The following HELLS variants were observed in gnomAD, a reference collection of about 807,000 sequenced individuals.
The protein encoded by HELLS is lymphoid-specific helicase.
In HELLS, 32 loss-of-function variants were observed where a neutral mutation model predicts 120.0. The ratio of observed to expected loss-of-function variants is 0.27; its 90% CI spans 0.20 to 0.36. The LOEUF is 0.36. Ranked by LOEUF, HELLS falls within the 10% of genes least tolerant of loss-of-function variation. The probability of loss-of-function intolerance (pLI) is 1.00; values close to 1 mark genes in which losing one functional copy is unlikely to be tolerated. For synonymous variants in HELLS, 341 were observed against 323.4 expected (o/e 1.05, Z -0.58); for missense variants, 650 against 993.4 (o/e 0.65, Z 4.65).
intron 7 of HELLS, 136 bp from the exon 8 acceptor site, chr10:94,573,824 A>G: frequency 1.8e-6 from 1 of 552,328 alleles, no homozygotes; most frequent in Admixed American, 3.5e-5. Context: ...CAGTTTTTTA[A>G]TCCAGGTGTG....
At chr10:94,571,172 C>A in intron 6 of HELLS, 1 of 362,200 alleles carries the variant, frequency 2.8e-6, no homozygotes, top group South Asian at 4.1e-5. Flanking sequence ...TGAAATATCC[C>A]ATTGTATAAG....
chr10:94,560,793 C>T (rs1483816553), intron 4 of HELLS, among the ~76,000 whole-genome samples: 3 of 152,072 alleles, frequency 2.0e-5, no homozygotes, highest in African/African-American at 7.2e-5. Context: ...CGGTGGCTCA[C>T]GCCTGCAATC....
chr10:94,575,065 T>A (rs1315975984), intron 9 of HELLS, among the ~76,000 whole-genome samples: 2 of 151,990 alleles, frequency 1.3e-5, no homozygotes. Context: ...AGAAGAGAGT[T>A]TTCTGTTTTT....
At chr10:94,572,173 G>C (rs940894305) in intron 7 of HELLS, among the ~76,000 whole-genome samples, 2 of 152,172 alleles carry the variant, frequency 1.3e-5, no homozygotes, top group Non-Finnish European at 2.9e-5. Flanking sequence ...GATTTTTAAA[G>C]ATTTAGTTAG....
Position 94,601,579 on chromosome 10 carries a change from T to G in HELLS, c.2474T>G (p.Ile825Arg). 1 of 1,590,060 alleles carries G rather than the reference T, an allele frequency of 6.3e-7. No individual in the cohort carries two copies. Among genetic ancestry groups the G allele is most frequent in the Non-Finnish European group, 8.6e-7 (1 of 1,163,224 alleles). The part of the protein sequence containing the change: ...PIKEKMGIFK[I>R]LENSEDSSPE... ...AAAGAGAAGATGGGGATATTCAAGA[T>G]ATTAGAAAATTCTGAAGATTCCAGT... The change falls in exon 22 of 22, where the codon ATA (isoleucine) becomes AGA (arginine). Residue 825 changes from isoleucine to arginine, a missense_variant. Transcript: ENST00000348459.
In HELLS at chr10:94,601,948, A is replaced by G. The variant is rs1035314260; in HGVS notation, c.*326A>G. ...TCTTTTTCCCTCCTTTCTTCTAGTAATGCAGTTCATGGGCTTTAGGTACTT... is the reference window on the plus strand; with the variant it reads ...TCTTTTTCCCTCCTTTCTTCTAGTAGTGCAGTTCATGGGCTTTAGGTACTT... On this transcript the variant is annotated 3_prime_UTR_variant, in exon 22 of 22. Transcript: ENST00000348459. The G allele has an allele frequency of 3.0e-5, 5 of 169,078 alleles. No homozygotes were observed. In the South Asian group the frequency reaches 8.1e-4, roughly 27 times the overall value. The allele number at this position is 169,078 out of a possible 1,614,324, so 10.5% of individuals were successfully genotyped here.
At chr10:94,579,201 C>CTTTTTTTTT (rs11431624) in intron 10 of HELLS, among the ~76,000 whole-genome samples, 1 of 133,868 alleles carries the variant, frequency 7.5e-6, no homozygotes, top group African/African-American at 2.9e-5. Context: ...CTACTTTTTT[C>CTTTTTTTTT]TTTTTTTTTT....
At chr10:94,575,082 C>T (rs1385800247) in intron 9 of HELLS, among the ~76,000 whole-genome samples, 2 of 145,090 alleles carry the variant, frequency 1.4e-5, no homozygotes. Context: ...TTTTTCTGTA[C>T]TTGTTACCTT....
rs149427983 is a variant in HELLS, at chr10:94,594,270, G to T, written c.2089-425G>T. On this transcript the variant is annotated intron_variant, in intron 18 of 21. Transcript: ENST00000348459. Reference sequence around the variant, plus strand: ...GCAGTGGCACCATCACGGCTCAGTAGCCTTGACCTTTTGGATTCAAGTGAT... The same window carrying T: ...GCAGTGGCACCATCACGGCTCAGTATCCTTGACCTTTTGGATTCAAGTGAT... 5.2e-3 allele frequency among the ~76,000 whole-genome samples: 790 copies of T among 151,998 alleles called. 3 individuals are homozygous for T. Among genetic ancestry groups the T allele is most frequent in the Admixed American group, 9.8e-3 (150 of 15,286 alleles).
At chr10:94,595,978 A>G (rs950999126) in intron 19 of HELLS, among the ~76,000 whole-genome samples, 1 of 152,152 alleles carries the variant, frequency 6.6e-6, no homozygotes, top group African/African-American at 2.4e-5. Flanking sequence ...TGGAACTTGC[A>G]TTGGGGAAAA....
Position 94,568,845 on chromosome 10 carries a change from CT to C in HELLS, c.436-2530del, listed in dbSNP as rs35081827. Among the ~76,000 whole-genome samples the C allele has an allele frequency of 4.2e-3, 613 of 146,788 alleles. 3 individuals carry two copies. The highest frequency in any genetic ancestry group is 0.012 in the African/African-American group (488 of 40,216). ...GTAAATTGAATGTCCACCTTTATCA[CT>C]TTTTTTTTTTTTGAGATAGAGTTTC... is the stretch of plus-strand genomic sequence containing the variant. On this transcript the variant is annotated intron_variant, in intron 6 of 21. Coordinates refer to ENST00000348459, the MANE Select transcript of HELLS (RefSeq NM_018063.5).
intron 12 of HELLS, among the ~76,000 whole-genome samples, chr10:94,584,874 A>G (rs1845044824): frequency 6.6e-6 from 1 of 152,130 alleles, no homozygotes; most frequent in African/African-American, 2.4e-5. Context: ...TGTTCTAGCA[A>G]TAAGAATATT....
At chr10:94,568,125 G>A (rs1359374530) in intron 6 of HELLS, among the ~76,000 whole-genome samples, 2 of 151,544 alleles carry the variant, frequency 1.3e-5, no homozygotes, top group East Asian at 3.9e-4. Context: ...GGCCTGGATG[G>A]TCTAGATCTC....
Position 94,601,661 on chromosome 10 carries a change from C to T in HELLS, c.*39C>T. On this transcript the variant is annotated 3_prime_UTR_variant, in exon 22 of 22. Coordinates refer to ENST00000348459, the MANE Select transcript of HELLS (RefSeq NM_018063.5). ...AATAGCTTTTAAAAGTTCTTATTTACATCTAGTGATTTCCCTGTATTGGGT... is the reference window on the plus strand; with the variant it reads ...AATAGCTTTTAAAAGTTCTTATTTATATCTAGTGATTTCCCTGTATTGGGT... 2 of 1,062,818 alleles carry T rather than the reference C, an allele frequency of 1.9e-6. No individual in the cohort carries two copies. Among genetic ancestry groups the T allele is most frequent in the Non-Finnish European group, 2.8e-6 (2 of 704,952 alleles). The allele number at this position is 1,062,818 out of a possible 1,614,324, so 65.8% of individuals were successfully genotyped here. A position where few individuals can be genotyped will look rare whatever the true frequency, so the allele number is the denominator to read the frequency against.
chr10:94,611,818 C>T (rs945357735), exon 10 of HELLS: 7 of 152,128 alleles, frequency 4.6e-5, no homozygotes, highest in Middle Eastern at 3.2e-3. Context: ...GAAACAATAC[C>T]TTTTACGGCA....
rs187736067 is a variant in HELLS at position 94,561,560 on chromosome 10, G to A, written c.334-1131G>A. 4.2e-4 allele frequency among the ~76,000 whole-genome samples: 64 copies of A among 152,150 alleles called. No individual in the cohort carries two copies. In the East Asian group the frequency reaches 0.011, roughly 27 times the overall value. The stretch of plus-strand genomic sequence containing the variant: ...AGCTCACTACAGCTTTGAACTCCTG[G>A]GGTCAAGCCATCTTCCCACCTCAGC... On this transcript the variant is annotated intron_variant, in intron 4 of 21. Transcript: ENST00000348459.
chr10:94,611,240 T>C (rs1052084571), exon 10 of HELLS: 8 of 152,128 alleles, frequency 5.3e-5, no homozygotes, highest in South Asian at 2.1e-4. Context: ...GTAATAGTTA[T>C]TCCTATCTCA....
chr10:94,575,996 C>T (rs898555551), intron 9 of HELLS, among the ~76,000 whole-genome samples: 1 of 152,094 alleles, frequency 6.6e-6, no homozygotes, highest in South Asian at 2.1e-4. Context: ...GGGGTTTCTC[C>T]ATGTTGGTCA....
chr10:94,582,827 T>A, intron 11 of HELLS, 136 bp from the exon 12 acceptor site: 2 of 519,988 alleles, frequency 3.8e-6, no homozygotes, highest in East Asian at 3.2e-5. Context: ...TTATAAATTT[T>A]AAAAATTGCA....
Sources: gnomAD v4.1 joint callset for allele counts (sites outside exome capture counted in the v4.1 genomes callset) on GRCh38, gnomAD v4.1.1 for gene constraint, MANE v1.5 for transcripts, NCBI Gene and HGNC (gene_info 2026-07-23, HGNC 2026-07-21) for gene names.